The following DRAM1 variants were observed in gnomAD, a reference collection of about 807,000 sequenced individuals.
DRAM1 encodes the protein DNA damage regulated autophagy modulator 1, also known as DNA damage-regulated autophagy modulator protein 1.
Under a neutral mutation model 28.5 loss-of-function variants are expected in DRAM1, and 25 were observed. The observed-to-expected ratio is 0.88, with a 90% CI of 0.64 to 1.23. DRAM1 has a LOEUF of 1.23. Among genes scored for constraint, DRAM1 ranks in the 50% most tolerant of loss-of-function variants. The pLI, the probability that DRAM1 is intolerant of heterozygous loss-of-function variation, is 0.00. For missense variants in DRAM1, 249 were observed against 299.2 expected (o/e 0.83, Z 1.24); for synonymous variants, 113 against 114.2 (o/e 0.99, Z 0.07).
Position 101,922,325 on chromosome 12 carries a change from G to C in DRAM1, c.*1065G>C, listed in dbSNP as rs1159664820. The C allele has an allele frequency of 1.3e-5, 2 of 152,264 alleles. No individual in the cohort carries two copies. The highest frequency in any genetic ancestry group is 4.8e-5 in the African/African-American group (2 of 41,450). 9.4% of individuals were successfully genotyped at this position (152,264 alleles called of 1,614,324 possible). A position where few individuals can be genotyped will look rare whatever the true frequency, so the allele number is the denominator to read the frequency against. On this transcript the variant is annotated 3_prime_UTR_variant, in exon 7 of 7. Transcript: ENST00000258534. ...CCAAATCATGAATGACCAATAAAAAGCAAGTTATTCCAGAGGAAGAAGCAG... is the reference window on the plus strand; with the variant it reads ...CCAAATCATGAATGACCAATAAAAACCAAGTTATTCCAGAGGAAGAAGCAG...
chr12:101,905,287 A>G (rs186963252), intron 3 of DRAM1, among the ~76,000 whole-genome samples: 3 of 151,918 alleles, frequency 2.0e-5, no homozygotes, highest in Admixed American at 1.3e-4. Flanking sequence ...TTGTATTTTT[A>G]CCTTTATTTT....
At chr12:101,905,571 T>A (rs928031424) in intron 3 of DRAM1, among the ~76,000 whole-genome samples, 1 of 151,884 alleles carries the variant, frequency 6.6e-6, no homozygotes, top group African/African-American at 2.4e-5. Flanking sequence ...CATAAGCCAC[T>A]GTGCCCAGTC....
chr12:101,902,070 G>A (rs1253668605), intron 3 of DRAM1, among the ~76,000 whole-genome samples: 1 of 152,080 alleles, frequency 6.6e-6, no homozygotes, highest in Non-Finnish European at 1.5e-5. Context: ...GAAAATATTT[G>A]TATGTGTTTA....
intron 5 of DRAM1, among the ~76,000 whole-genome samples, chr12:101,918,294 A>T (rs987347847): frequency 6.6e-6 from 1 of 152,118 alleles, no homozygotes; most frequent in Non-Finnish European, 1.5e-5. Flanking sequence ...TGCATTCAGG[A>T]CTCTTGGTTC....
intron 2 of DRAM1, among the ~76,000 whole-genome samples, chr12:101,900,877 A>G (rs112670859): frequency 0.048 from 7,260 of 152,302 alleles, 256 homozygotes; most frequent in Middle Eastern, 0.11. Context: ...GAAACAATGT[A>G]GAAATTCATT....
chr12:101,885,955 C>T (rs901587401), intron 1 of DRAM1, among the ~76,000 whole-genome samples: 4 of 152,194 alleles, frequency 2.6e-5, no homozygotes, highest in African/African-American at 7.2e-5. Flanking sequence ...TAGAGCCTGA[C>T]ACATTGCAGG....
At chr12:101,882,657 G>C (rs10778154) in intron 1 of DRAM1, among the ~76,000 whole-genome samples, 95,318 of 150,882 alleles carry the variant, frequency 0.63, 32,080 homozygotes, top group East Asian at 0.89. Context: ...TTGTGATCTA[G>C]TGGGTTAGCA....
At chr12:101,890,067 T>G (rs979712907) in intron 1 of DRAM1, 3 of 452,914 alleles carry the variant, frequency 6.6e-6, no homozygotes, top group African/African-American at 6.0e-5. Flanking sequence ...TTCTTTTTCT[T>G]TTTTCTTTTT....
At chr12:101,903,528 A>G (rs77816920) in intron 3 of DRAM1, among the ~76,000 whole-genome samples, 3,215 of 152,286 alleles carry the variant, frequency 0.021, 117 homozygotes, top group African/African-American at 0.073. Flanking sequence ...GTGAAGAGGA[A>G]GATGAGGAGC....
At chr12:101,883,565 C>T (rs1407246342) in intron 1 of DRAM1, among the ~76,000 whole-genome samples, 20 of 151,252 alleles carry the variant, frequency 1.3e-4, no homozygotes, top group African/African-American at 3.4e-4. Context: ...CCGCCCACCT[C>T]GGCCTCCCAA....
intron 3 of DRAM1, 88 bp downstream of exon 3, chr12:101,901,521 C>G: frequency 7.1e-7 from 1 of 1,417,010 alleles, no homozygotes; most frequent in South Asian, 1.3e-5. Flanking sequence ...CACACTTATG[C>G]CATTATAGCC....
chr12:101,901,557 A>T, intron 3 of DRAM1, 124 bp downstream of exon 3: 1 of 1,211,340 alleles, frequency 8.3e-7, no homozygotes, highest in East Asian at 2.5e-5. Context: ...AGTTTACAAT[A>T]AGTGGGTTAG....
chr12:101,881,098 G>C (rs1438643704), intron 1 of DRAM1, among the ~76,000 whole-genome samples: 1 of 152,034 alleles, frequency 6.6e-6, no homozygotes, highest in Non-Finnish European at 1.5e-5. Flanking sequence ...AGAGAAGAAG[G>C]CTGGGTGCAG....
chr12:101,881,355 T>G (rs1185530731), intron 1 of DRAM1, among the ~76,000 whole-genome samples: 1 of 81,950 alleles, frequency 1.2e-5, no homozygotes, highest in African/African-American at 9.8e-5. Flanking sequence ...TTCAACCTTA[T>G]CCCTTTTTGT....
chr12:101,878,639 A>T (rs2120990249), intron 1 of DRAM1, among the ~76,000 whole-genome samples: 1 of 152,326 alleles, frequency 6.6e-6, no homozygotes, highest in Non-Finnish European at 1.5e-5. Flanking sequence ...CCTGAGGGGC[A>T]CTTCAGTGCC....
At chr12:101,880,489 A>G (rs886668216) in intron 1 of DRAM1, among the ~76,000 whole-genome samples, 2 of 151,764 alleles carry the variant, frequency 1.3e-5, no homozygotes, top group Admixed American at 1.3e-4. Flanking sequence ...GGGTTTCACC[A>G]TGTTGGCCAG....
intron 6 of DRAM1, 61 bp downstream of exon 6, chr12:101,920,262 C>G: frequency 8.3e-7 from 1 of 1,209,282 alleles, no homozygotes; most frequent in Non-Finnish European, 1.2e-6. Flanking sequence ...TAAAAATTTG[C>G]AGAAGACATT....
At chr12:101,907,197 C>G (rs1190165322) in intron 3 of DRAM1, among the ~76,000 whole-genome samples, 3 of 37,956 alleles carry the variant, frequency 7.9e-5, no homozygotes, top group African/African-American at 7.2e-4. Flanking sequence ...GAGACCCTGT[C>G]TCAAAAAAAA....
chr12:101,878,696 T>G (rs1872583455), intron 1 of DRAM1, among the ~76,000 whole-genome samples: 1 of 152,240 alleles, frequency 6.6e-6, no homozygotes, highest in Non-Finnish European at 1.5e-5. Flanking sequence ...CTCAGTGCCT[T>G]TCTCATAGTG....
Sources: gnomAD v4.1 joint callset for allele counts (sites outside exome capture counted in the v4.1 genomes callset) on GRCh38, gnomAD v4.1.1 for gene constraint, MANE v1.5 for transcripts, NCBI Gene and HGNC (gene_info 2026-07-23, HGNC 2026-07-21) for gene names.